The following FHIT variants were observed in gnomAD, a reference collection of about 807,000 sequenced individuals.
FHIT encodes the protein fragile histidine triad diadenosine triphosphatase, also known as bis(5'-adenosyl)-triphosphatase.
Under a neutral mutation model 17.9 loss-of-function variants are expected in FHIT, and 19 were observed. The observed-to-expected ratio is 1.06, with a 90% CI of 0.74 to 1.56. The LOEUF (loss-of-function observed/expected upper bound fraction) is 1.56. FHIT is among the 40% of genes most tolerant of loss of function. The probability of loss-of-function intolerance (pLI) is 0.00; values close to 1 mark genes in which losing one functional copy is unlikely to be tolerated. For missense variants in FHIT, 248 were observed against 189.2 expected, an observed-to-expected ratio of 1.31 and a Z score of -1.82; for synonymous variants, 81 against 69.7, an observed-to-expected ratio of 1.16 and a Z score of -0.81.
intron 8 of FHIT, among the ~76,000 whole-genome samples, chr3:59,880,519 C>T (rs1703364502): frequency 1.3e-5 from 2 of 152,184 alleles, no homozygotes; most frequent in Non-Finnish European, 2.9e-5. Flanking sequence ...CTCTGGGATA[C>T]AGGACTGACT....
intron 4 of FHIT, among the ~76,000 whole-genome samples, chr3:60,711,421 C>T (rs1488372038): frequency 2.6e-5 from 4 of 152,190 alleles, no homozygotes; most frequent in African/African-American, 9.7e-5. Flanking sequence ...CAAAGCTGGA[C>T]AGAGAATGAC....
At chr3:60,637,204 T>A (rs1553684134) in intron 4 of FHIT, among the ~76,000 whole-genome samples, 1 of 152,210 alleles carries the variant, frequency 6.6e-6, no homozygotes, top group Non-Finnish European at 1.5e-5. Context: ...CATTTCATTA[T>A]GGCCACTTTG....
intron 5 of FHIT, among the ~76,000 whole-genome samples, chr3:60,319,741 G>A (rs375304693): frequency 6.6e-6 from 1 of 151,974 alleles, no homozygotes; most frequent in Non-Finnish European, 1.5e-5. Context: ...GAGACACTGA[G>A]GGGGGCTGTT....
At chr3:60,594,874 C>T (rs1304515455) in intron 4 of FHIT, among the ~76,000 whole-genome samples, 1 of 152,062 alleles carries the variant, frequency 6.6e-6, no homozygotes, top group Non-Finnish European at 1.5e-5. Flanking sequence ...TTCCCTGCTT[C>T]CAAGGGCTGT....
At chr3:60,705,675 T>G (rs141901155) in intron 4 of FHIT, among the ~76,000 whole-genome samples, 1 of 152,312 alleles carries the variant, frequency 6.6e-6, no homozygotes, top group East Asian at 1.9e-4. Flanking sequence ...AAGAACATAC[T>G]CCTGTAGGTG....
chr3:61,166,301 T>C (rs918361915), intron 2 of FHIT, among the ~76,000 whole-genome samples: 2 of 152,316 alleles, frequency 1.3e-5, no homozygotes, highest in African/African-American at 4.8e-5. Flanking sequence ...CTCACAGTCA[T>C]CTGAAGAGCC....
intron 5 of FHIT, among the ~76,000 whole-genome samples, chr3:60,219,968 T>G (rs376937748): frequency 1.7e-4 from 26 of 152,294 alleles, no homozygotes; most frequent in East Asian, 7.7e-4. Context: ...TCTCTGTACT[T>G]GCAGCCGAGG....
chr3:60,548,453 T>C (rs1262690864), intron 4 of FHIT, among the ~76,000 whole-genome samples: 1 of 152,158 alleles, frequency 6.6e-6, no homozygotes, highest in Admixed American at 6.5e-5. Flanking sequence ...TTTAAGAAAC[T>C]CAGGCCTTCA....
intron 3 of FHIT, among the ~76,000 whole-genome samples, chr3:60,941,384 G>T (rs868943803): frequency 6.7e-6 from 1 of 148,624 alleles, no homozygotes; most frequent in Non-Finnish European, 1.5e-5. Flanking sequence ...GTTTTAAATT[G>T]AGGGCTCCAT....
At chr3:60,389,373 T>C (rs1249833583) in intron 5 of FHIT, among the ~76,000 whole-genome samples, 1 of 152,154 alleles carries the variant, frequency 6.6e-6, no homozygotes, top group African/African-American at 2.4e-5. Flanking sequence ...AAATAGAAGA[T>C]AGAAAATGTG....
At chr3:61,054,847 A>G (rs2034159352) in intron 2 of FHIT, among the ~76,000 whole-genome samples, 1 of 151,994 alleles carries the variant, frequency 6.6e-6, no homozygotes, top group South Asian at 2.1e-4. Context: ...ACTCTTTCAC[A>G]CCCTATACCC....
intron 1 of FHIT, among the ~76,000 whole-genome samples, chr3:61,241,590 A>G (rs2040374426): frequency 6.6e-6 from 1 of 152,228 alleles, no homozygotes; most frequent in Non-Finnish European, 1.5e-5. Flanking sequence ...GTGAGGGAGT[A>G]CTGATACTTC....
chr3:59,922,387 T>C lies in FHIT; in HGVS notation c.307A>G (p.Lys103Glu). The stretch of plus-strand genomic sequence containing the variant: ...TCATTCCTGTGAAAGTCTCCAGCCT[T>C]CCTGGGAAGAACATGGACGTGAACG... ...KHVHVHVLPRKAGDFHRNDSI... is the reference protein window; with the variant it reads ...KHVHVHVLPREAGDFHRNDSI... The change falls in exon 8 of 10, where the codon AAG becomes GAG. Residue 103 changes from lysine to glutamate, a missense_variant. Transcript: ENST00000492590. The C allele has an allele frequency of 6.2e-7, 1 of 1,613,886 alleles. No homozygotes were observed.
chr3:60,118,740 AT>A (rs1214898291), intron 5 of FHIT, among the ~76,000 whole-genome samples: 4 of 75,556 alleles, frequency 5.3e-5, no homozygotes, highest in Non-Finnish European at 1.2e-4. Context: ...CGGGCCTGTA[AT>A]CCCAGCATGT....
intron 5 of FHIT, among the ~76,000 whole-genome samples, chr3:60,082,216 C>A (rs1041877673): frequency 1.3e-5 from 2 of 149,544 alleles, no homozygotes; most frequent in African/African-American, 5.0e-5. Context: ...TAAGAGAGAA[C>A]ATGTAGTATT....
chr3:59,894,117 G>A (rs1006115460), intron 8 of FHIT, among the ~76,000 whole-genome samples: 6 of 152,124 alleles, frequency 3.9e-5, no homozygotes, highest in Non-Finnish European at 8.8e-5. Flanking sequence ...GGTGGTGCAC[G>A]CCTGTAGTCC....
At chr3:60,214,253 T>C (rs1188543963) in intron 5 of FHIT, among the ~76,000 whole-genome samples, 3 of 152,206 alleles carry the variant, frequency 2.0e-5, no homozygotes, top group African/African-American at 7.2e-5. Context: ...CACCTCATTA[T>C]ACTAAAGATG....
intron 5 of FHIT, among the ~76,000 whole-genome samples, chr3:60,231,163 A>T (rs971177941): frequency 6.6e-6 from 1 of 152,176 alleles, no homozygotes; most frequent in African/African-American, 2.4e-5. Context: ...GGGAGGAAAA[A>T]TTTTTCTCCT....
At chr3:60,899,674 C>G (rs1029023770) in intron 3 of FHIT, among the ~76,000 whole-genome samples, 8 of 152,276 alleles carry the variant, frequency 5.3e-5, no homozygotes, top group African/African-American at 1.7e-4. Context: ...TCAACAGTCA[C>G]TCAATAATAT....
Sources: allele counts gnomAD v4.1 joint callset (sites outside exome capture counted in the v4.1 genomes callset), GRCh38; gene constraint gnomAD v4.1.1; transcripts MANE v1.5; gene names NCBI Gene and HGNC (gene_info 2026-07-23, HGNC 2026-07-21).